Variants in C3orf52 observed in about 807,000 individuals in gnomAD.
The protein encoded by C3orf52 is TPA-induced transmembrane protein.
Under a neutral mutation model 24.8 loss-of-function variants are expected in C3orf52, and 22 were observed. The ratio of observed to expected loss-of-function variants is 0.89; its 90% CI spans 0.63 to 1.27. The LOEUF (loss-of-function observed/expected upper bound fraction) is 1.27, where lower values mean the gene tolerates loss of function less well. C3orf52 is among the 50% of genes most tolerant of loss of function. The pLI, the probability that C3orf52 is intolerant of heterozygous loss-of-function variation, is 0.00. For synonymous variants in C3orf52, 93 were observed against 100.2 expected (o/e 0.93, Z 0.43); for missense variants, 265 against 260.7 (o/e 1.02, Z -0.11).
intron 1 of C3orf52, among the ~76,000 whole-genome samples, chr3:112,089,929 A>T (rs2073862407): frequency 6.6e-6 from 1 of 152,258 alleles, no homozygotes; most frequent in African/African-American, 2.4e-5. Flanking sequence ...TTGCAAATGT[A>T]AATTATTAAG....
chr3:112,135,731 C>A (rs1343270857), downstream of C3orf52, among the ~76,000 whole-genome samples: 9 of 152,132 alleles, frequency 5.9e-5, no homozygotes, highest in Admixed American at 2.0e-4. Flanking sequence ...AATGCCTGAA[C>A]TCACACATTC....
chr3:112,110,100 C>CAA (rs2074064593), intron 4 of C3orf52, among the ~76,000 whole-genome samples: 1 of 152,108 alleles, frequency 6.6e-6, no homozygotes, highest in East Asian at 1.9e-4. Flanking sequence ...GAGGCCAAGG[C>CAA]GGGCAGATCA....
At chr3:112,130,510 C>T (rs1482008804), downstream of C3orf52, 8 of 1,613,640 alleles carry the variant, frequency 5.0e-6, no homozygotes, top group East Asian at 6.7e-5. Flanking sequence ...TGTTCTGCTG[C>T]CGCCTGAAAC....
chr3:112,119,594 G>A (rs2074170038), downstream of C3orf52: 2 of 697,134 alleles, frequency 2.9e-6, no homozygotes, highest in Admixed American at 2.0e-5. Context: ...TTTTACATGT[G>A]AATTCTGGAC....
chr3:112,123,099 A>C (rs1055456557), downstream of C3orf52: 1 of 251,388 alleles, frequency 4.0e-6, no homozygotes, highest in East Asian at 1.0e-4. Context: ...GACTTTAGAG[A>C]ATGATCATGG....
chr3:112,132,406 A>G (rs2074478522), downstream of C3orf52, among the ~76,000 whole-genome samples: 1 of 152,184 alleles, frequency 6.6e-6, no homozygotes, highest in Non-Finnish European at 1.5e-5. Flanking sequence ...TGGTGGCACT[A>G]TTTTGGTGGC....
chr3:112,100,686 A>G (rs2073964896), intron 2 of C3orf52, among the ~76,000 whole-genome samples: 1 of 152,218 alleles, frequency 6.6e-6, no homozygotes, highest in Non-Finnish European at 1.5e-5. Flanking sequence ...CATGGTGGGT[A>G]TAGAGCTCAA....
In C3orf52 at chr3:112,117,174, C is replaced by T. The variant is rs1269911917; in HGVS notation, c.*528C>T. The T allele has an allele frequency of 1.1e-5, 6 of 557,180 alleles. No individual in the cohort carries two copies. The highest frequency in any genetic ancestry group is 1.9e-5 in the Non-Finnish European group (6 of 314,854). The allele number at this position is 557,180 out of a possible 1,614,324, so 34.5% of individuals were successfully genotyped here. On this transcript the variant is annotated 3_prime_UTR_variant, in exon 6 of 6. Coordinates refer to ENST00000264848, the MANE Select transcript of C3orf52 (RefSeq NM_024616.3). Reference sequence around the variant, plus strand: ...GGTTACGAAGACTAAGCCAATTATTCACTGAAGTCATCCTCCTCCCCCCCA... The same window carrying T: ...GGTTACGAAGACTAAGCCAATTATTTACTGAAGTCATCCTCCTCCCCCCCA...
At chr3:112,129,806 C>T (rs2074409583), downstream of C3orf52, 1 of 152,208 alleles carries the variant, frequency 6.6e-6, no homozygotes, top group Admixed American at 6.5e-5. Flanking sequence ...CTTTCAAAAT[C>T]TCCTCCTGAA....
intron 2 of C3orf52, among the ~76,000 whole-genome samples, chr3:112,094,288 C>T (rs1231280509): frequency 2.0e-5 from 3 of 152,196 alleles, no homozygotes; most frequent in Non-Finnish European, 4.4e-5. Context: ...AGCCACCATG[C>T]TTGGCCCAAT....
At chr3:112,123,572 A>T in intron 4 of C3orf52, 1 of 1,614,196 alleles carries the variant, frequency 6.2e-7, no homozygotes, top group South Asian at 1.1e-5. Flanking sequence ...GGGATCGGGC[A>T]TGCCTGGGGT....
At chr3:112,133,498 C>T (rs1048717443), downstream of C3orf52, 1 of 205,210 alleles carries the variant, frequency 4.9e-6, no homozygotes, top group Non-Finnish European at 9.8e-6. Context: ...TTAGAAAAGT[C>T]AGAAGGAGGT....
At chr3:112,101,642 A>G (rs2073972576) in intron 2 of C3orf52, among the ~76,000 whole-genome samples, 1 of 152,212 alleles carries the variant, frequency 6.6e-6, no homozygotes, top group South Asian at 2.1e-4. Context: ...TTTTCTGCAC[A>G]TTCCTTGCTC....
chr3:112,120,097 C>G (rs7623652), downstream of C3orf52, among the ~76,000 whole-genome samples: 2,342 of 152,294 alleles, frequency 0.015, 35 homozygotes, highest in Non-Finnish European at 0.026. Flanking sequence ...TGATGATGAC[C>G]TCTCAAGGCT....
chr3:112,095,987 G>A (rs2073922785), intron 2 of C3orf52, among the ~76,000 whole-genome samples: 1 of 152,186 alleles, frequency 6.6e-6, no homozygotes, highest in Admixed American at 6.5e-5. Flanking sequence ...GTTGTCTGGG[G>A]ATAAAAACAC....
At chr3:112,130,675 C>G (rs964409473), downstream of C3orf52, 1 of 655,610 alleles carries the variant, frequency 1.5e-6, no homozygotes, top group Non-Finnish European at 2.8e-6. Context: ...AAGCACATGT[C>G]GCAAGCTACC....
At chr3:112,114,039 G>C (rs1410139447) in intron 5 of C3orf52, among the ~76,000 whole-genome samples, 1 of 152,154 alleles carries the variant, frequency 6.6e-6, no homozygotes, top group Non-Finnish European at 1.5e-5. Flanking sequence ...AATACTAGTT[G>C]AATGAATGAA....
At chr3:112,107,889 G>A (rs340170) in intron 3 of C3orf52, among the ~76,000 whole-genome samples, 5,136 of 152,270 alleles carry the variant, frequency 0.034, 290 homozygotes, top group African/African-American at 0.12. Flanking sequence ...GAAGTGCAGC[G>A]TCCTTGACAT....
At chr3:112,119,999 A>G (rs2074172586), downstream of C3orf52, among the ~76,000 whole-genome samples, 1 of 152,234 alleles carries the variant, frequency 6.6e-6, no homozygotes, top group African/African-American at 2.4e-5. Context: ...CTTAGCTGAC[A>G]TCTGGGAATC....
Sources: allele counts gnomAD v4.1 joint callset (sites outside exome capture counted in the v4.1 genomes callset), GRCh38; gene constraint gnomAD v4.1.1; transcripts MANE v1.5; gene names NCBI Gene and HGNC (gene_info 2026-07-23, HGNC 2026-07-21).